ABHD18: variants seen among roughly 807,000 people sequenced by gnomAD.
The protein encoded by ABHD18 is cardiolipin-specific deacylase, mitochondrial.
In ABHD18, 55 loss-of-function variants were observed where a neutral mutation model predicts 65.9. The observed-to-expected ratio is 0.84, with a 90% confidence interval of 0.67 to 1.05. The LOEUF is 1.05. ABHD18 is among the 50% of genes least tolerant of loss of function. The pLI is 0.00. For missense variants in ABHD18, 533 were observed against 558.5 expected (o/e 0.95, Z 0.46); for synonymous variants, 181 against 180.2 (o/e 1.00, Z -0.04).
At chr4:128,004,451 C>CA (rs537283340) in intron 4 of ABHD18, among the ~76,000 whole-genome samples, 92 of 144,802 alleles carry the variant, frequency 6.4e-4, no homozygotes, top group Admixed American at 1.2e-3. Context: ...GACTCCATCT[C>CA]AAAAAAAAAA....
intron 3 of ABHD18, among the ~76,000 whole-genome samples, chr4:127,987,758 G>A (rs1013054229): frequency 5.9e-5 from 9 of 151,858 alleles, no homozygotes; most frequent in African/African-American, 1.9e-4. Flanking sequence ...AACACTTTAT[G>A]CTAATAGGCA....
intron 1 of ABHD18, among the ~76,000 whole-genome samples, chr4:127,971,128 C>T (rs1015505478): frequency 6.6e-6 from 1 of 150,970 alleles, no homozygotes. Flanking sequence ...GGCCTGTGTG[C>T]CTGTGGTCCC....
At chr4:128,024,543 A>G (rs1182262116) in intron 10 of ABHD18, among the ~76,000 whole-genome samples, 1 of 152,238 alleles carries the variant, frequency 6.6e-6, no homozygotes, top group Non-Finnish European at 1.5e-5. Context: ...TCAAAAAAAA[A>G]GTTCAATTTA....
intron 4 of ABHD18, among the ~76,000 whole-genome samples, chr4:127,996,458 C>A (rs533571742): frequency 6.6e-6 from 1 of 151,844 alleles, no homozygotes; most frequent in South Asian, 2.1e-4. Context: ...AGGGGGTGTA[C>A]GAACAGGGAG....
chr4:128,012,812 T>A (rs760262134), intron 7 of ABHD18, among the ~76,000 whole-genome samples: 1 of 151,900 alleles, frequency 6.6e-6, no homozygotes, highest in Non-Finnish European at 1.5e-5. Context: ...ACACATGTAA[T>A]CCCAGCACTT....
At chr4:128,029,561 C>T (rs977889536) in intron 11 of ABHD18, among the ~76,000 whole-genome samples, 1 of 152,042 alleles carries the variant, frequency 6.6e-6, no homozygotes, top group East Asian at 1.9e-4. Context: ...CAGTGGATCA[C>T]GCCTGTAATC....
intron 4 of ABHD18, among the ~76,000 whole-genome samples, chr4:127,999,214 G>T (rs951211861): frequency 6.6e-6 from 1 of 152,070 alleles, no homozygotes; most frequent in African/African-American, 2.4e-5. Context: ...AACCTGGGAG[G>T]TGGAGGTTGC....
chr4:128,034,775 C>T (rs568900984), intron 12 of ABHD18, among the ~76,000 whole-genome samples: 101 of 151,990 alleles, frequency 6.6e-4, no homozygotes, highest in African/African-American at 2.2e-3. Context: ...CTCAGCCTCC[C>T]GAGTAGCTGG....
intron 4 of ABHD18, among the ~76,000 whole-genome samples, chr4:127,992,256 G>T (rs1235272756): frequency 6.6e-6 from 1 of 152,110 alleles, no homozygotes; most frequent in Non-Finnish European, 1.5e-5. Context: ...CGGATCACCT[G>T]ACATCAGGAG....
chr4:127,967,717 A>G (rs1283038191), intron 1 of ABHD18, among the ~76,000 whole-genome samples: 2 of 151,976 alleles, frequency 1.3e-5, no homozygotes, highest in African/African-American at 4.8e-5. Context: ...GGAAAAAAAA[A>G]AAAAGAAAAT....
rs1759177387 is a variant in ABHD18, at chr4:128,039,511, G to T, written c.*3698G>T. ...GATTTAGATCTGTAATTAGAAAAAG[G>T]TTCTGAATTTCATGATTTGCTAATG... On this transcript the variant is annotated 3_prime_UTR_variant, in exon 13 of 13. Coordinates refer to ENST00000645843, the MANE Select transcript of ABHD18 (RefSeq NM_001358451.3). 1 of 151,990 alleles carries T rather than the reference G, an allele frequency of 6.6e-6. No individual in the cohort carries two copies. The highest frequency in any genetic ancestry group is 6.6e-5 in the Admixed American group (1 of 15,232). 9.4% of individuals were successfully genotyped at this position (151,990 alleles called of 1,614,324 possible). A position where few individuals can be genotyped will look rare whatever the true frequency, so the allele number is the denominator to read the frequency against.
intron 10 of ABHD18, among the ~76,000 whole-genome samples, chr4:128,026,856 A>G (rs1049463838): frequency 2.0e-5 from 3 of 146,918 alleles, no homozygotes; most frequent in African/African-American, 7.6e-5. Flanking sequence ...CACAGTCTCT[A>G]CTCATTGTAA....
At chr4:127,984,791 C>T (rs1200901366) in intron 3 of ABHD18, among the ~76,000 whole-genome samples, 1 of 152,124 alleles carries the variant, frequency 6.6e-6, no homozygotes, top group Non-Finnish European at 1.5e-5. Flanking sequence ...ACCCCGGAGG[C>T]GGAGGTTGCA....
intron 4 of ABHD18, among the ~76,000 whole-genome samples, chr4:128,007,617 T>G (rs1407401989): frequency 2.0e-5 from 3 of 151,662 alleles, no homozygotes; most frequent in African/African-American, 7.3e-5. Flanking sequence ...AGCAGATATC[T>G]GTAATCCCAG....
intron 12 of ABHD18, chr4:128,030,967 G>A (rs1057393132): frequency 1.0e-5 from 11 of 1,078,410 alleles, no homozygotes; most frequent in Non-Finnish European, 1.1e-5. Flanking sequence ...GGAAGATCAT[G>A]GCTTGTTAAA....
intron 4 of ABHD18, among the ~76,000 whole-genome samples, chr4:127,997,472 T>C (rs2149102822): frequency 6.6e-6 from 1 of 152,108 alleles, no homozygotes; most frequent in South Asian, 2.1e-4. Flanking sequence ...GTACAAGGAG[T>C]TCTTTGAGGG....
intron 4 of ABHD18, among the ~76,000 whole-genome samples, chr4:127,990,795 T>C (rs1750784788): frequency 6.6e-6 from 1 of 152,180 alleles, no homozygotes; most frequent in South Asian, 2.1e-4. Context: ...TGGTTAATTA[T>C]ACAATAGTTG....
intron 1 of ABHD18, 120 bp from the exon 2 acceptor site, chr4:127,982,819 A>G: frequency 1.8e-6 from 1 of 565,360 alleles, no homozygotes; most frequent in Non-Finnish European, 3.0e-6. Flanking sequence ...TTGTTTCCAA[A>G]GGAATTAATT....
At chr4:128,015,855 A>C (rs1298886844) in intron 7 of ABHD18, among the ~76,000 whole-genome samples, 1 of 152,116 alleles carries the variant, frequency 6.6e-6, no homozygotes, top group Non-Finnish European at 1.5e-5. Flanking sequence ...CATTTTGAAA[A>C]GTAGATTCTA....
Sources: allele counts gnomAD v4.1 joint callset (sites outside exome capture counted in the v4.1 genomes callset), GRCh38; gene constraint gnomAD v4.1.1; transcripts MANE v1.5; gene names NCBI Gene and HGNC (gene_info 2026-07-23, HGNC 2026-07-21).